The following RAD50 variants were observed in gnomAD, a reference collection of about 807,000 sequenced individuals.
RAD50 encodes the protein DNA repair protein RAD50.
RAD50 carries 132 observed loss-of-function variants against 168.8 expected under a neutral mutation model. That is an observed-to-expected ratio of 0.78 (90% CI 0.68 to 0.90). The LOEUF (loss-of-function observed/expected upper bound fraction) is 0.90. Among genes scored for constraint, RAD50 ranks in the 40% least tolerant of loss-of-function variants. The pLI is 0.00. For synonymous variants in RAD50, 525 were observed against 497.4 expected (o/e 1.06, Z -0.74); for missense variants, 1,347 against 1,534.4 (o/e 0.88, Z 2.04).
chr5:132,589,975 C>A, intron 9 of RAD50, 138 bp downstream of exon 9: 1 of 832,432 alleles, frequency 1.2e-6, no homozygotes, highest in Non-Finnish European at 1.9e-6. Flanking sequence ...ATGAATTCAT[C>A]TGAATATCTT....
chr5:132,641,481 A>G (rs2149866362), intron 24 of RAD50, among the ~76,000 whole-genome samples: 1 of 152,354 alleles, frequency 6.6e-6, no homozygotes, highest in East Asian at 1.9e-4. Flanking sequence ...TCAGCAGCGC[A>G]GGGCCACCTT....
chr5:132,576,054 T>G, intron 3 of RAD50, 126 bp downstream of exon 3: 1 of 1,025,264 alleles, frequency 9.8e-7, no homozygotes, highest in Non-Finnish European at 1.4e-6. Context: ...CTTTAGACTT[T>G]ATTTTTTTAG....
chr5:132,581,435 T>C (rs1185814027), intron 5 of RAD50, among the ~76,000 whole-genome samples: 1 of 152,206 alleles, frequency 6.6e-6, no homozygotes, highest in Non-Finnish European at 1.5e-5. Context: ...TGTATTTATT[T>C]TGACTTTTCT....
intron 21 of RAD50, among the ~76,000 whole-genome samples, chr5:132,624,107 A>G (rs1751330553): frequency 6.6e-6 from 1 of 152,204 alleles, no homozygotes; most frequent in Non-Finnish European, 1.5e-5. Context: ...AGAGTATTCC[A>G]TGGATATATC....
chr5:132,603,117 A>G (rs1437018950), intron 13 of RAD50, among the ~76,000 whole-genome samples, 183 bp from the exon 14 acceptor site: 1 of 152,206 alleles, frequency 6.6e-6, no homozygotes, highest in Admixed American at 6.5e-5. Context: ...ATCTAAGCCA[A>G]GTGAATAAGG....
chr5:132,586,538 T>C (rs1222867156), intron 5 of RAD50, among the ~76,000 whole-genome samples: 1 of 152,244 alleles, frequency 6.6e-6, no homozygotes, highest in African/African-American at 2.4e-5. Context: ...ACAAAGTTTC[T>C]GTTTTTAGGT....
chr5:132,621,252 G>A (rs1362132749), intron 21 of RAD50, among the ~76,000 whole-genome samples: 1 of 152,160 alleles, frequency 6.6e-6, no homozygotes, highest in Non-Finnish European at 1.5e-5. Context: ...GTAGGGCCCA[G>A]CAGTCTATTT....
rs755918415 is a variant in RAD50 at position 132,591,323 on chromosome 5, C to G, written c.1552C>G (p.Leu518Val). 5 of 1,613,698 alleles carry G rather than the reference C, an allele frequency of 3.1e-6. No homozygotes were observed. In the East Asian group the frequency reaches 6.7e-5, roughly 22 times the overall value. ...QNEKADLDRTLRKLDQEMEQL... is the reference protein window; with the variant it reads ...QNEKADLDRTVRKLDQEMEQL... ...TGAAAAAGCAGACTTAGACAGGACC[C>G]TGCGTAAACTTGACCAGGAGATGGA... The change falls in exon 10 of 25, where the codon CTG (leucine) becomes GTG (valine). Residue 518 changes from leucine to valine, a missense_variant. Leu to Val is a conservative substitution (Grantham distance 32). Coordinates refer to ENST00000378823, the MANE Select transcript of RAD50 (RefSeq NM_005732.4).
chr5:132,573,816 A>G (rs2149835704), intron 2 of RAD50, among the ~76,000 whole-genome samples: 1 of 152,350 alleles, frequency 6.6e-6, no homozygotes, highest in South Asian at 2.1e-4. Flanking sequence ...GGCCCCGTGC[A>G]AGTCCGAAAT....
Position 132,618,095 on chromosome 5 carries a change from A to C in RAD50, c.3190A>C (p.Ile1064Leu), listed in dbSNP as rs1751209127. The C allele has an allele frequency of 6.2e-7, 1 of 1,613,414 alleles. No individual in the cohort carries two copies. Among genetic ancestry groups the C allele is most frequent in the Admixed American group, 1.7e-5 (1 of 60,006 alleles). Residue 1064 changes from isoleucine to leucine, a missense_variant, in exon 21 of 25, where the codon ATA becomes CTA. Around this residue, in one of 3 missense-constraint regions of RAD50, gnomAD observed 635 missense variants for 739.2 expected, o/e 0.86. Coordinates refer to ENST00000378823, the MANE Select transcript of RAD50 (RefSeq NM_005732.4). ...KSEHQKLEEN[I>L]DNIKRNHNLA... ...TGAACATCAGAAGTTGGAAGAGAAC[A>C]TAGACAATATAAAAAGAAATCATAA...
At position 132,575,851 on chromosome 5, in the gene RAD50, G is replaced by C. The variant is rs876658184; in HGVS notation, c.288G>C (p.Val96=). The change falls in exon 3 of 25, where the codon GTG becomes GTC. Residue 96 remains valine (V), a synonymous_variant. Coordinates refer to ENST00000378823, the MANE Select transcript of RAD50 (RefSeq NM_005732.4). ...FRDVNGELIA[V]QRSMVCTQKS... is the part of the protein sequence containing the mutation. ...ATGTCAATGGAGAACTTATAGCTGT[G>C]CAAAGATCTATGGTGTGTACTCAGA... 1.9e-6 allele frequency: 3 copies of C among 1,604,890 alleles called. No homozygotes were observed. The highest frequency in any genetic ancestry group is 2.6e-6 in the Non-Finnish European group (3 of 1,171,604).
intron 23 of RAD50, among the ~76,000 whole-genome samples, chr5:132,639,844 C>G (rs1429787815): frequency 6.6e-6 from 1 of 152,210 alleles, no homozygotes; most frequent in African/African-American, 2.4e-5. Flanking sequence ...AGCTGTGGCC[C>G]TGTCTTCTGG....
intron 2 of RAD50, among the ~76,000 whole-genome samples, chr5:132,568,822 A>G (rs1361828490): frequency 1.3e-5 from 2 of 152,240 alleles, no homozygotes; most frequent in East Asian, 3.8e-4. Context: ...CTTGCACTAT[A>G]GTAATTGTTA....
At chr5:132,626,434 A>G (rs1751373215) in intron 21 of RAD50, among the ~76,000 whole-genome samples, 2 of 152,094 alleles carry the variant, frequency 1.3e-5, no homozygotes, top group South Asian at 2.1e-4. Flanking sequence ...AATTATTTAG[A>G]CACTCTGAGT....
At chr5:132,560,203 A>G (rs1287672168) in intron 2 of RAD50, among the ~76,000 whole-genome samples, 4 of 152,112 alleles carry the variant, frequency 2.6e-5, no homozygotes, top group Admixed American at 1.3e-4. Flanking sequence ...AACCATGTCT[A>G]CGTGAGCACA....
intron 13 of RAD50, among the ~76,000 whole-genome samples, chr5:132,600,656 C>A (rs1750872301): frequency 6.6e-6 from 1 of 152,148 alleles, no homozygotes; most frequent in Non-Finnish European, 1.5e-5. Context: ...CATTTAAATG[C>A]AAACTCAATT....
intron 21 of RAD50, among the ~76,000 whole-genome samples, chr5:132,621,636 G>A (rs766900665): frequency 4.6e-5 from 7 of 152,184 alleles, no homozygotes; most frequent in Admixed American, 2.0e-4. Flanking sequence ...GTTTAGCTGA[G>A]CATAGAGTTC....
At chr5:132,635,368 C>A (rs536603229) in intron 21 of RAD50, among the ~76,000 whole-genome samples, 1 of 152,192 alleles carries the variant, frequency 6.6e-6, no homozygotes, top group East Asian at 1.9e-4. Context: ...ATTACTGTAG[C>A]GACCTTAGTC....
chr5:132,595,872 A>C (rs2149844329), intron 13 of RAD50, 62 bp downstream of exon 13: 515 of 1,443,770 alleles, frequency 3.6e-4, no homozygotes, highest in Non-Finnish European at 4.6e-4. Flanking sequence ...TACCCATCTC[A>C]TGCCTGGGCA....
Sources: gnomAD v4.1 joint callset for allele counts (sites outside exome capture counted in the v4.1 genomes callset) on GRCh38, gnomAD v4.1.1 for gene constraint, gnomAD v4.1.1 regional missense constraint, MANE v1.5 for transcripts, NCBI Gene and HGNC (gene_info 2026-07-23, HGNC 2026-07-21) for gene names.